Variants in ZPBP observed in about 807,000 individuals in gnomAD.
The protein encoded by ZPBP is zona pellucida binding protein, also known as zona pellucida-binding protein 1.
In ZPBP, 26 loss-of-function variants were observed where a neutral mutation model predicts 44.8. The ratio of observed to expected loss-of-function variants is 0.58; its 90% confidence interval spans 0.43 to 0.81. ZPBP has a LOEUF of 0.81. ZPBP is among the 30% of genes least tolerant of loss of function. The probability of loss-of-function intolerance (pLI) is 0.00; values close to 1 mark genes in which losing one functional copy is unlikely to be tolerated. For synonymous variants in ZPBP, 174 were observed against 153.2 expected, an observed-to-expected ratio of 1.14 and a Z score of -1.00; for missense variants, 409 against 434.0, an observed-to-expected ratio of 0.94 and a Z score of 0.51.
At chr7:49,978,045 T>C (rs1796606467) in intron 7 of ZPBP, among the ~76,000 whole-genome samples, 1 of 151,080 alleles carries the variant, frequency 6.6e-6, no homozygotes, top group Admixed American at 6.6e-5. Flanking sequence ...CAAAGAATGC[T>C]ACTTGATCTA....
chr7:50,076,130 T>G (rs1393958980), intron 3 of ZPBP, among the ~76,000 whole-genome samples: 1 of 151,864 alleles, frequency 6.6e-6, no homozygotes, highest in Non-Finnish European at 1.5e-5. Flanking sequence ...ATATATCATG[T>G]TAACAGAATG....
At chr7:49,875,397 A>AAAAAAAC (rs1791371337) in intron 2 of ZPBP, among the ~76,000 whole-genome samples, 1 of 140,714 alleles carries the variant, frequency 7.1e-6, no homozygotes, top group Middle Eastern at 3.4e-3. Context: ...AAAAAAAAAA[A>AAAAAAAC]CAGGAATAAA....
At chr7:49,973,197 C>A (rs1251689700) in intron 7 of ZPBP, among the ~76,000 whole-genome samples, 2 of 150,842 alleles carry the variant, frequency 1.3e-5, no homozygotes, top group East Asian at 3.9e-4. Flanking sequence ...AAACCATAGA[C>A]AACAAAAGAA....
chr7:49,958,278 A>G (rs1795697407), intron 7 of ZPBP, among the ~76,000 whole-genome samples: 1 of 152,202 alleles, frequency 6.6e-6, no homozygotes, highest in African/African-American at 2.4e-5. Flanking sequence ...GAAACAAGTT[A>G]AGACTTTTGG....
At chr7:50,084,928 A>T (rs905426516) in intron 2 of ZPBP, among the ~76,000 whole-genome samples, 1 of 152,222 alleles carries the variant, frequency 6.6e-6, no homozygotes, top group African/African-American at 2.4e-5. Flanking sequence ...TTAATCAAAT[A>T]CAGCAATCCA....
At chr7:50,084,798 A>G (rs1266110344) in intron 2 of ZPBP, among the ~76,000 whole-genome samples, 3 of 152,104 alleles carry the variant, frequency 2.0e-5, no homozygotes, top group Non-Finnish European at 4.4e-5. Context: ...AAAAGTTGTC[A>G]TTGGGGAGAT....
chr7:50,078,594 T>C (rs779869882), intron 3 of ZPBP, among the ~76,000 whole-genome samples: 12 of 151,040 alleles, frequency 7.9e-5, no homozygotes, highest in Non-Finnish European at 1.2e-4. Context: ...GTGTAAGACC[T>C]AAAACAATAA....
At chr7:50,067,599 TC>T (rs1801583314) in intron 3 of ZPBP, among the ~76,000 whole-genome samples, 1 of 152,144 alleles carries the variant, frequency 6.6e-6, no homozygotes, top group Non-Finnish European at 1.5e-5. Flanking sequence ...AATGTCTGGG[TC>T]CTTGAGGAGC....
chr7:49,892,770 G>A (rs1032127175), intron 2 of ZPBP, among the ~76,000 whole-genome samples: 11 of 152,134 alleles, frequency 7.2e-5, no homozygotes, highest in Non-Finnish European at 1.3e-4. Context: ...CATTTTATTC[G>A]TTCATTTTTC....
chr7:49,859,715 A>G (rs977397252), intron 2 of ZPBP, among the ~76,000 whole-genome samples: 4 of 152,222 alleles, frequency 2.6e-5, no homozygotes. Context: ...AGTTTTCCTC[A>G]GAATGATCTT....
At chr7:50,001,916 AT>A (rs922994574) in intron 6 of ZPBP, among the ~76,000 whole-genome samples, 36 of 151,998 alleles carry the variant, frequency 2.4e-4, no homozygotes, top group African/African-American at 6.0e-4. Flanking sequence ...GTATGCATGT[AT>A]TTTTTTTACA....
chr7:49,847,979 C>G (rs1161138274), downstream of ZPBP, among the ~76,000 whole-genome samples: 1 of 152,178 alleles, frequency 6.6e-6, no homozygotes, highest in East Asian at 1.9e-4. Flanking sequence ...GGCTCAATGT[C>G]AAAGCATTAG....
intron 6 of ZPBP, among the ~76,000 whole-genome samples, chr7:50,001,971 C>G (rs150846593): frequency 6.6e-6 from 1 of 152,164 alleles, no homozygotes; most frequent in Non-Finnish European, 1.5e-5. Flanking sequence ...GTGGCGCAAC[C>G]GAGGCAGCCT....
chr7:49,987,746 G>C (rs1797369054), intron 6 of ZPBP, among the ~76,000 whole-genome samples: 1 of 136,040 alleles, frequency 7.4e-6, no homozygotes, highest in Admixed American at 9.9e-5. Flanking sequence ...GTGTGTGTGT[G>C]TGTGTGTGTG....
At position 50,023,929 on chromosome 7, in the gene ZPBP, A is replaced by G. The variant is rs566578195; in HGVS notation, c.707-5613T>C. Among the ~76,000 whole-genome samples the G allele has an allele frequency of 2.6e-5, 4 of 152,194 alleles. No individual in the cohort carries two copies. In the East Asian group the frequency reaches 7.7e-4, roughly 29 times the overall value. ...TAAATAGATTGAAGCTTGAAAATACATCAGTAGAAATTTCTCAAAAGAAGA... is the reference window on the plus strand; with the variant it reads ...TAAATAGATTGAAGCTTGAAAATACGTCAGTAGAAATTTCTCAAAAGAAGA... On this transcript the variant is annotated intron_variant, in intron 5 of 7. Transcript: ENST00000046087.
In ZPBP at chr7:49,974,105, C is replaced by T. The variant is rs139015071; in HGVS notation, c.961+9237G>A. Among the ~76,000 whole-genome samples the T allele has an allele frequency of 1.6e-3, 237 of 151,666 alleles. 3 individuals carry two copies. The highest frequency in any genetic ancestry group is 5.4e-3 in the African/African-American group (225 of 41,344). On this transcript the variant is annotated intron_variant, in intron 7 of 7. Transcript: ENST00000046087. ...CAAAAGTAGACAAATTCATAGAGAC[C>T]GAAAATAGAATGAAGAATACTGGGA...
intron 6 of ZPBP, among the ~76,000 whole-genome samples, chr7:49,992,587 TAAGA>T (rs1797621206): frequency 6.6e-6 from 1 of 151,980 alleles, no homozygotes; most frequent in African/African-American, 2.4e-5. Context: ...TACAATAGTA[TAAGA>T]GAGATGGAGA....
At chr7:50,089,903 TTATA>T (rs963095402) in intron 1 of ZPBP, among the ~76,000 whole-genome samples, 194 bp from the exon 2 acceptor site, 1 of 152,108 alleles carries the variant, frequency 6.6e-6, no homozygotes, top group Non-Finnish European at 1.5e-5. Context: ...CTTCTCCATA[TTATA>T]TCTCACCTCT....
At chr7:49,871,053 A>C (rs554498846) in intron 2 of ZPBP, among the ~76,000 whole-genome samples, 1 of 152,238 alleles carries the variant, frequency 6.6e-6, no homozygotes, top group Non-Finnish European at 1.5e-5. Context: ...AATAAATTGG[A>C]GAATTCAACC....
Sources: gnomAD v4.1 joint callset for allele counts (sites outside exome capture counted in the v4.1 genomes callset) on GRCh38, gnomAD v4.1.1 for gene constraint, MANE v1.5 for transcripts, NCBI Gene and HGNC (gene_info 2026-07-23, HGNC 2026-07-21) for gene names.